Variants in PIP5K1C observed in about 807,000 individuals in gnomAD.
PIP5K1C encodes the protein phosphatidylinositol-4-phosphate 5-kinase type 1 gamma.
Under a neutral mutation model 80.1 loss-of-function variants are expected in PIP5K1C, and 45 were observed. The observed-to-expected ratio is 0.56, with a 90% CI of 0.44 to 0.72. The LOEUF (loss-of-function observed/expected upper bound fraction) is 0.72, where lower values mean the gene tolerates loss of function less well. Ranked by LOEUF, PIP5K1C falls within the 30% of genes least tolerant of loss-of-function variation. The probability of loss-of-function intolerance (pLI) is 0.00; values close to 1 mark genes in which losing one functional copy is unlikely to be tolerated. For synonymous variants in PIP5K1C, 498 were observed against 420.1 expected (o/e 1.19, Z -2.27); for missense variants, 753 against 954.6 (o/e 0.79, Z 2.78).
At chr19:3,691,521 A>G (rs1162271510) in intron 1 of PIP5K1C, among the ~76,000 whole-genome samples, 1 of 151,822 alleles carries the variant, frequency 6.6e-6, no homozygotes, top group African/African-American at 2.4e-5. Context: ...CAGAACAGGG[A>G]CCACCCCAAC....
rs2036112848 is a variant in PIP5K1C, at chr19:3,696,701, TGCAGACGGGAGGGCAGGGAGG to T, written c.94+3575_94+3595del. Among the ~76,000 whole-genome samples, 1 of 97,620 alleles carries T rather than the reference TGCAGACGGGAGGGCAGGGAGG, an allele frequency of 1.0e-5. No individual in the cohort carries two copies. Among genetic ancestry groups the T allele is most frequent in the Admixed American group, 1.5e-4 (1 of 6,756 alleles). 64.0% of individuals were successfully genotyped at this position (97,620 alleles called of 152,430 possible). A position where few individuals can be genotyped will look rare whatever the true frequency, so the allele number is the denominator to read the frequency against. ...AGGGGCCCATGGGCCTACAGCAGAG[TGCAGACGGGAGGGCAGGGAGG>T]GCAGAGTGCGGAGGGGAGGGCAGGG... On this transcript the variant is annotated intron_variant, in intron 1 of 17. Transcript: ENST00000335312. The surrounding 1 kb of genome is among the most constrained non-coding windows in gnomAD (Gnocchi z 4.1).
intron 1 of PIP5K1C, among the ~76,000 whole-genome samples, chr19:3,668,922 C>T (rs907754689): frequency 6.6e-6 from 1 of 152,180 alleles, no homozygotes; most frequent in Non-Finnish European, 1.5e-5. Flanking sequence ...ATAACAGCAG[C>T]GTCCTCCAGG....
chr19:3,644,499 G>T (rs2034127965), intron 11 of PIP5K1C, among the ~76,000 whole-genome samples: 1 of 152,170 alleles, frequency 6.6e-6, no homozygotes, highest in South Asian at 2.1e-4. Context: ...CTGGCACAGT[G>T]CCTGCCCCTC....
intron 1 of PIP5K1C, among the ~76,000 whole-genome samples, chr19:3,699,137 C>T (rs1021256357): frequency 2.0e-5 from 3 of 151,960 alleles, no homozygotes; most frequent in Non-Finnish European, 4.4e-5. Context: ...AGTTGGGGGG[C>T]CCAAGAAAGG....
chr19:3,664,183 C>G (rs1033541046), intron 3 of PIP5K1C, among the ~76,000 whole-genome samples: 1 of 152,122 alleles, frequency 6.6e-6, no homozygotes, highest in African/African-American at 2.4e-5. Flanking sequence ...TCCACAGACG[C>G]AGGAAAGGGA....
At chr19:3,639,406 C>T (rs920938181) in intron 15 of PIP5K1C, among the ~76,000 whole-genome samples, 1 of 152,134 alleles carries the variant, frequency 6.6e-6, no homozygotes, top group East Asian at 1.9e-4. Context: ...GGCACCTAGC[C>T]GCTGGGATCA....
In PIP5K1C at chr19:3,640,578, C is replaced by A. The variant is rs563625487; in HGVS notation, c.1787+1127G>T. The stretch of plus-strand genomic sequence containing the variant: ...CCAAAAGGGCCAGAACTATTGTGTC[C>A]TGTGTTTTTTAAAAAAACAGATATT... On this transcript the variant is annotated intron_variant, in intron 15 of 17. Coordinates refer to ENST00000335312, the MANE Select transcript of PIP5K1C (RefSeq NM_012398.3). Among the ~76,000 whole-genome samples, 4 of 152,228 alleles carry A rather than the reference C, an allele frequency of 2.6e-5. No homozygotes were observed. The East Asian group carries it at 7.7e-4, about 29-fold the overall frequency.
chr19:3,661,980 C>A lies in PIP5K1C; in HGVS notation c.241G>T (p.Gly81Cys). 1 of 1,604,872 alleles carries A rather than the reference C, an allele frequency of 6.2e-7. No homozygotes were observed. The highest frequency in any genetic ancestry group is 8.5e-7 in the Non-Finnish European group (1 of 1,177,000). Reference sequence around the variant, plus strand: ...TAGCCGATGCCCAGCTGGATGGCACCCTTCAGGGTGGAGGAGGTGGTCTGC... The same window carrying A: ...TAGCCGATGCCCAGCTGGATGGCACACTTCAGGGTGGAGGAGGTGGTCTGC... The part of the protein sequence containing the change: ...YKKTTSSTLK[G>C]AIQLGIGYTV... Residue 81 changes from glycine to cysteine, a missense_variant, in exon 4 of 18, where the codon GGT (glycine) becomes TGT (cysteine). By Grantham distance (159) the Gly-to-Cys change is radical. Around this residue, in one of 6 missense-constraint regions of PIP5K1C, gnomAD observed 139 missense variants for 289.7 expected, o/e 0.48. Coordinates refer to ENST00000335312, the MANE Select transcript of PIP5K1C (RefSeq NM_012398.3).
rs2036091534 is a variant in PIP5K1C, at chr19:3,696,013, G to A, written c.94+4284C>T. On this transcript the variant is annotated intron_variant, in intron 1 of 17. Transcript: ENST00000335312. This position sits in a 1 kb window ranked among gnomAD's most constrained non-coding sequence, Gnocchi z 4.1. ...CCCAAAATGCTGGGATTACAGGTGT[G>A]AGCCACCGTGCCCGGCCTCCCTGAC... Among the ~76,000 whole-genome samples, 1 of 152,126 alleles carries A rather than the reference G, an allele frequency of 6.6e-6. No individual in the cohort carries two copies. Among genetic ancestry groups the A allele is most frequent in the African/African-American group, 2.4e-5 (1 of 41,412 alleles).
At chr19:3,681,556 C>T (rs2035590543) in intron 1 of PIP5K1C, among the ~76,000 whole-genome samples, 1 of 151,930 alleles carries the variant, frequency 6.6e-6, no homozygotes, top group African/African-American at 2.4e-5. Flanking sequence ...GTTTGAAGTT[C>T]CCTGTAATAA....
rs1366476034 is a variant in PIP5K1C at position 3,662,020 on chromosome 19, G to T, written c.220-19C>A. 22 of 1,573,860 alleles carry T rather than the reference G, an allele frequency of 1.4e-5. No individual in the cohort carries two copies. Among genetic ancestry groups the T allele is most frequent in the Non-Finnish European group, 1.8e-5 (21 of 1,163,170 alleles). ...AGGTGGTCTGCAGGGAGACCAGAGT[G>T]TCAGGGCCCCCGGCTGCTCCCCACG... On this transcript the variant is annotated intron_variant, in intron 3 of 17. Transcript: ENST00000335312.
chr19:3,667,167 T>C (rs2035039683), intron 2 of PIP5K1C, among the ~76,000 whole-genome samples, 155 bp downstream of exon 2: 2 of 152,328 alleles, frequency 1.3e-5, no homozygotes, highest in South Asian at 4.1e-4. Flanking sequence ...GCAGTTGGTG[T>C]AGACCTCACG....
At chr19:3,699,301 G>A (rs1043153333) in intron 1 of PIP5K1C, among the ~76,000 whole-genome samples, 4 of 150,872 alleles carry the variant, frequency 2.7e-5, no homozygotes, top group Non-Finnish European at 5.9e-5. Context: ...GATGGCCGCC[G>A]GGAGGGAAGC....
At chr19:3,652,610 G>A (rs1255814500) in intron 7 of PIP5K1C, among the ~76,000 whole-genome samples, 1 of 152,212 alleles carries the variant, frequency 6.6e-6, no homozygotes, top group African/African-American at 2.4e-5. Flanking sequence ...CTGCCGGGGT[G>A]GGACGGGGAC....
chr19:3,635,841 A>G (rs1043366535), intron 16 of PIP5K1C, among the ~76,000 whole-genome samples: 9 of 152,098 alleles, frequency 5.9e-5, no homozygotes, highest in Non-Finnish European at 1.3e-4. Context: ...TTAGCCAGGC[A>G]TGATGGCGGG....
chr19:3,653,646 C>T (rs763236144), intron 6 of PIP5K1C, 57 bp from the exon 7 acceptor site: 44 of 1,516,672 alleles, frequency 2.9e-5, no homozygotes, highest in Middle Eastern at 2.2e-4. Context: ...CTCACGGGGG[C>T]GGGCAAAGCA....
At chr19:3,638,097 T>TAG in intron 16 of PIP5K1C, 1 of 1,412,562 alleles carries the variant, frequency 7.1e-7, no homozygotes, top group Non-Finnish European at 9.3e-7. Flanking sequence ...CCAGCCCTCC[T>TAG]TCCCAGGGGG....
intron 15 of PIP5K1C, among the ~76,000 whole-genome samples, chr19:3,641,099 C>T (rs2145393490): frequency 6.6e-6 from 1 of 151,980 alleles, no homozygotes; most frequent in South Asian, 2.1e-4. Context: ...CCTGTAGTCC[C>T]AGCTACTCAG....
chr19:3,643,189 G>A (rs956942611), intron 13 of PIP5K1C, 54 bp downstream of exon 13: 10 of 1,603,582 alleles, frequency 6.2e-6, no homozygotes, highest in South Asian at 3.3e-5. Context: ...TGAATGCCCC[G>A]CCCCCACGCA....
Sources: allele counts gnomAD v4.1 joint callset (sites outside exome capture counted in the v4.1 genomes callset), GRCh38; gene constraint gnomAD v4.1.1; regional missense constraint gnomAD v4.1.1; non-coding constraint Gnocchi (gnomAD v3.1); transcripts MANE v1.5; gene names NCBI Gene and HGNC (gene_info 2026-07-23, HGNC 2026-07-21).